The following SPAG16 variants were observed in gnomAD, a reference collection of about 807,000 sequenced individuals.
The protein encoded by SPAG16 is sperm-associated antigen 16 protein.
In SPAG16, 86 loss-of-function variants were observed where a neutral mutation model predicts 80.4. The ratio of observed to expected loss-of-function variants is 1.07; its 90% CI spans 0.90 to 1.28. The LOEUF is 1.28. Among genes scored for constraint, SPAG16 ranks in the 50% most tolerant of loss-of-function variants. The pLI is 0.00. For synonymous variants in SPAG16, 294 were observed against 265.9 expected, an observed-to-expected ratio of 1.11 and a Z score of -1.03; for missense variants, 870 against 765.3, an observed-to-expected ratio of 1.14 and a Z score of -1.61.
chr2:214,248,202 A>G (rs760354183), intron 15 of SPAG16, among the ~76,000 whole-genome samples: 2 of 151,680 alleles, frequency 1.3e-5, no homozygotes, highest in Admixed American at 1.3e-4. Flanking sequence ...ATCTAACAAG[A>G]GTGCTGGAAC....
At chr2:214,408,117 T>C (rs962208896) in intron 15 of SPAG16, among the ~76,000 whole-genome samples, 7 of 152,208 alleles carry the variant, frequency 4.6e-5, no homozygotes, top group Non-Finnish European at 1.0e-4. Flanking sequence ...GTATTTTATT[T>C]AACAAACTTT....
At chr2:213,656,327 C>G (rs1053658231) in intron 10 of SPAG16, among the ~76,000 whole-genome samples, 1 of 152,204 alleles carries the variant, frequency 6.6e-6, no homozygotes, top group South Asian at 2.1e-4. Context: ...CCTGCCACCA[C>G]GCCCAGCTAA....
At chr2:213,698,886 T>C (rs1430139028) in intron 10 of SPAG16, among the ~76,000 whole-genome samples, 1 of 152,226 alleles carries the variant, frequency 6.6e-6, no homozygotes, top group Non-Finnish European at 1.5e-5. Flanking sequence ...TGTAAAACAG[T>C]ATAAACCCAC....
At chr2:214,172,494 C>T (rs1165714162) in intron 15 of SPAG16, among the ~76,000 whole-genome samples, 1 of 152,114 alleles carries the variant, frequency 6.6e-6, no homozygotes, top group Non-Finnish European at 1.5e-5. Context: ...TTAATACAGT[C>T]TATCATTGAC....
At chr2:213,781,044 C>G (rs2069930571) in intron 10 of SPAG16, among the ~76,000 whole-genome samples, 1 of 152,136 alleles carries the variant, frequency 6.6e-6, no homozygotes, top group African/African-American at 2.4e-5. Flanking sequence ...TAGGCTTTTA[C>G]AAAATTGCCT....
chr2:214,093,966 A>C (rs977557081), intron 13 of SPAG16, among the ~76,000 whole-genome samples: 3 of 152,016 alleles, frequency 2.0e-5, no homozygotes, highest in African/African-American at 7.2e-5. Context: ...TCTCTACTGG[A>C]TCCTTATTAT....
intron 10 of SPAG16, among the ~76,000 whole-genome samples, chr2:213,563,718 T>G (rs146778302): frequency 1.3e-5 from 2 of 152,370 alleles, no homozygotes; most frequent in African/African-American, 4.8e-5. Context: ...GGAACACAAT[T>G]CAGTCCATAG....
chr2:214,107,725 G>T (rs1321693712), intron 13 of SPAG16, among the ~76,000 whole-genome samples: 1 of 152,020 alleles, frequency 6.6e-6, no homozygotes, highest in Non-Finnish European at 1.5e-5. Flanking sequence ...TTTTATACAG[G>T]TAATAATGTT....
At chr2:214,264,353 A>T (rs921175133) in intron 15 of SPAG16, among the ~76,000 whole-genome samples, 3 of 152,136 alleles carry the variant, frequency 2.0e-5, no homozygotes, top group African/African-American at 7.2e-5. Flanking sequence ...CATTGCAGCC[A>T]CACTAGCATG....
intron 13 of SPAG16, among the ~76,000 whole-genome samples, chr2:214,107,346 G>A (rs1366571056): frequency 6.6e-6 from 1 of 152,140 alleles, no homozygotes; most frequent in East Asian, 1.9e-4. Flanking sequence ...TTTGTCGAAT[G>A]AACAAATGGT....
intron 9 of SPAG16, among the ~76,000 whole-genome samples, chr2:213,458,148 ATTG>A (rs1482081354): frequency 1.3e-5 from 2 of 152,174 alleles, no homozygotes; most frequent in South Asian, 2.1e-4. Context: ...CTCCATTATT[ATTG>A]TTAACACAAT....
chr2:213,897,018 A>T (rs1318381686), intron 11 of SPAG16, among the ~76,000 whole-genome samples: 1 of 152,134 alleles, frequency 6.6e-6, no homozygotes, highest in Non-Finnish European at 1.5e-5. Flanking sequence ...TTGTACAGTG[A>T]CTATATTGTA....
chr2:213,462,635 T>C (rs774738713), intron 9 of SPAG16, among the ~76,000 whole-genome samples: 6 of 152,228 alleles, frequency 3.9e-5, no homozygotes, highest in Non-Finnish European at 7.3e-5. Flanking sequence ...TTAATAAGCA[T>C]CTGACATTTC....
chr2:213,380,250 T>C (rs1048410118), intron 9 of SPAG16, among the ~76,000 whole-genome samples: 2 of 152,212 alleles, frequency 1.3e-5, no homozygotes, highest in African/African-American at 4.8e-5. Flanking sequence ...CATCACTGTC[T>C]TTCAGGGATG....
rs186773789 is a variant in SPAG16, at chr2:214,193,192, G to A, written c.1720+43926G>A. ...CAAGCAAAATGGATTTTATCAAAAGGTAATTTTAAAAAATACATCTATGAG... is the reference window on the plus strand; with the variant it reads ...CAAGCAAAATGGATTTTATCAAAAGATAATTTTAAAAAATACATCTATGAG... On this transcript the variant is annotated intron_variant, in intron 15 of 15. Transcript: ENST00000331683. 1.6e-4 allele frequency among the ~76,000 whole-genome samples: 24 copies of A among 152,024 alleles called. No homozygotes were observed. In the East Asian group the frequency reaches 4.3e-3, roughly 27 times the overall value.
At chr2:213,438,691 G>C (rs2070773168) in intron 9 of SPAG16, among the ~76,000 whole-genome samples, 5 of 152,088 alleles carry the variant, frequency 3.3e-5, no homozygotes, top group Admixed American at 3.3e-4. Flanking sequence ...ATGACGAGAT[G>C]GTACTCCTGG....
intron 10 of SPAG16, among the ~76,000 whole-genome samples, chr2:213,537,063 C>CA (rs1199994089): frequency 1.3e-5 from 2 of 149,090 alleles, no homozygotes; most frequent in African/African-American, 5.0e-5. Flanking sequence ...ATCGCAACAA[C>CA]AAAAAATCAA....
chr2:213,986,139 A>G (rs766124497), intron 12 of SPAG16, among the ~76,000 whole-genome samples: 9 of 152,058 alleles, frequency 5.9e-5, no homozygotes, highest in Non-Finnish European at 8.8e-5. Context: ...TGACTTTTCT[A>G]GGGTTATATG....
intron 15 of SPAG16, among the ~76,000 whole-genome samples, chr2:214,366,268 G>A (rs1308683487): frequency 3.3e-5 from 5 of 152,162 alleles, no homozygotes; most frequent in Non-Finnish European, 5.9e-5. Context: ...GAGCCACTGC[G>A]TCTGGCCTTG....
Sources: gnomAD v4.1 joint callset for allele counts (sites outside exome capture counted in the v4.1 genomes callset) on GRCh38, gnomAD v4.1.1 for gene constraint, MANE v1.5 for transcripts, NCBI Gene and HGNC (gene_info 2026-07-23, HGNC 2026-07-21) for gene names.